Variants in DMXL1 observed in about 807,000 individuals in gnomAD.
The protein encoded by DMXL1 is Dmx like 1.
In DMXL1, 99 loss-of-function variants were observed where a neutral mutation model predicts 319.2. That is an observed-to-expected ratio of 0.31 (90% CI 0.26 to 0.37). The LOEUF is 0.37. Ranked by LOEUF, DMXL1 falls within the 10% of genes least tolerant of loss-of-function variation. The pLI is 1.00. For missense variants in DMXL1, 3,745 were observed against 3,595.6 expected, an observed-to-expected ratio of 1.04 and a Z score of -1.06; for synonymous variants, 1,385 against 1,235.2, an observed-to-expected ratio of 1.12 and a Z score of -2.54.
chr5:119,210,756 C>CTTT (rs1205202596), intron 34 of DMXL1, among the ~76,000 whole-genome samples: 17 of 65,924 alleles, frequency 2.6e-4, no homozygotes, highest in African/African-American at 8.1e-4. Flanking sequence ...TTTTTTCTTT[C>CTTT]GTTTTTTTTT....
At chr5:119,144,670 A>C (rs1281411926) in intron 15 of DMXL1, 32 bp downstream of exon 15, 2 of 1,371,410 alleles carry the variant, frequency 1.5e-6, no homozygotes, top group Non-Finnish European at 2.0e-6. Context: ...AATGAGAAAT[A>C]CTATGTACAG....
rs200292243 is a variant in DMXL1 at position 119,196,423 on chromosome 5, A to G, written c.7510A>G (p.Thr2504Ala). ...MVQLVLNNLK[T>A]FYPFAGHDLA... The stretch of plus-strand genomic sequence containing the variant: ...GCAATTGGTGCTCAACAATTTGAAG[A>G]CTTTTTATCCCTTCGCAGGTCATGA... Residue 2504 changes from threonine to alanine, a missense_variant, in exon 31 of 44, where the codon ACT becomes GCT. Around this residue, in one of 4 missense-constraint regions of DMXL1, gnomAD observed 1,382 missense variants for 1,269.5 expected, o/e 1.09. Transcript: ENST00000539542. 2 of 1,613,178 alleles carry G rather than the reference A, an allele frequency of 1.2e-6. No individual in the cohort carries two copies. Among genetic ancestry groups the G allele is most frequent in the East Asian group, 4.5e-5 (2 of 44,830 alleles).
intron 19 of DMXL1, among the ~76,000 whole-genome samples, chr5:119,159,851 T>C (rs576461156): frequency 5.9e-5 from 9 of 152,324 alleles, no homozygotes; most frequent in African/African-American, 2.2e-4. Context: ...CTCGAACTCC[T>C]GGTCTCAAGT....
chr5:119,133,565 G>C lies in DMXL1; in HGVS notation c.1641G>C (p.Met547Ile). 1 of 1,614,116 alleles carries C rather than the reference G, an allele frequency of 6.2e-7. No homozygotes were observed. Among genetic ancestry groups the C allele is most frequent in the Non-Finnish European group, 8.5e-7 (1 of 1,180,016 alleles). ...GDANSLCKSI[M>I]MYACTKNVDL... The stretch of plus-strand genomic sequence containing the variant: ...CAAACTCTCTCTGTAAAAGCATAAT[G>C]ATGTATGCCTGTACCAAGAATGTTG... Residue 547 changes from methionine (M) to isoleucine (I), a missense_variant, in exon 12 of 44, where the codon ATG becomes ATC. Met to Ile is a conservative substitution (Grantham distance 10). Coordinates refer to ENST00000539542, the MANE Select transcript of DMXL1 (RefSeq NM_001290321.3).
intron 38 of DMXL1, among the ~76,000 whole-genome samples, chr5:119,231,074 C>G (rs892012102): frequency 2.0e-5 from 3 of 152,144 alleles, no homozygotes; most frequent in Non-Finnish European, 4.4e-5. Context: ...CTAGTAGCCT[C>G]TGCATACCAA....
chr5:119,247,132 T>C lies in DMXL1; in HGVS notation c.9060T>C (p.Ala3020=), dbSNP rs757343738. Residue 3020 remains alanine (A), a synonymous_variant, in exon 44 of 44, where the codon GCT becomes GCC. Transcript: ENST00000539542. ...CAAATCACATTTTCTCCTGTGGAGC[T>C]GATGGAACAATGAAAATGAGAATAC... ...GPANHIFSCG[A]DGTMKMRILP... 1.9e-6 allele frequency: 3 copies of C among 1,614,140 alleles called. No homozygotes were observed. In the East Asian group the frequency reaches 6.7e-5, roughly 36 times the overall value.
At chr5:119,204,097 C>T (rs765385463) in intron 33 of DMXL1, among the ~76,000 whole-genome samples, 6 of 152,136 alleles carry the variant, frequency 3.9e-5, no homozygotes, top group Non-Finnish European at 7.4e-5. Context: ...GCTAGGATTA[C>T]AGGTGTGAAC....
At chr5:119,213,125 C>G (rs1381896279) in intron 34 of DMXL1, among the ~76,000 whole-genome samples, 1 of 152,136 alleles carries the variant, frequency 6.6e-6, no homozygotes, top group Non-Finnish European at 1.5e-5. Context: ...TAATAAATTG[C>G]TCTGTAGCAA....
chr5:119,206,251 T>A (rs907903181), intron 33 of DMXL1, among the ~76,000 whole-genome samples: 4 of 152,078 alleles, frequency 2.6e-5, no homozygotes, highest in Non-Finnish European at 5.9e-5. Flanking sequence ...TTGTTTTGTT[T>A]GAGTTTCTGA....
intron 42 of DMXL1, among the ~76,000 whole-genome samples, chr5:119,241,105 T>C (rs1788702458): frequency 6.6e-6 from 1 of 152,168 alleles, no homozygotes; most frequent in African/African-American, 2.4e-5. Flanking sequence ...ATATAGTCAA[T>C]TAACACATAT....
intron 32 of DMXL1, among the ~76,000 whole-genome samples, chr5:119,201,737 G>A (rs888829799): frequency 2.0e-5 from 3 of 152,020 alleles, no homozygotes; most frequent in African/African-American, 7.2e-5. Context: ...ATTACTGATT[G>A]AATTTCAGAG....
chr5:119,111,210 CAAA>C (rs34359243), intron 5 of DMXL1, among the ~76,000 whole-genome samples: 59,110 of 151,716 alleles, frequency 0.39, 14,057 homozygotes, highest in East Asian at 0.95. Flanking sequence ...TAAAATGAAA[CAAA>C]AATATTAGAG....
At chr5:119,091,434 A>T (rs898014526) in intron 1 of DMXL1, among the ~76,000 whole-genome samples, 13 of 151,238 alleles carry the variant, frequency 8.6e-5, no homozygotes, top group African/African-American at 3.2e-4. Context: ...CTGGTTTCAA[A>T]CTCCTAGGCT....
chr5:119,189,876 T>C lies in DMXL1; in HGVS notation c.7304T>C (p.Phe2435Ser), dbSNP rs1338037617. The C allele has an allele frequency of 6.2e-7, 1 of 1,613,402 alleles. No individual in the cohort carries two copies. Among genetic ancestry groups the C allele is most frequent in the African/African-American group, 1.3e-5 (1 of 74,902 alleles). The change falls in exon 29 of 44, where the codon TTC becomes TCC. Residue 2435 changes from phenylalanine to serine, a missense_variant. Around this residue, in one of 4 missense-constraint regions of DMXL1, gnomAD observed 1,382 missense variants for 1,269.5 expected, o/e 1.09. Coordinates refer to ENST00000539542, the MANE Select transcript of DMXL1 (RefSeq NM_001290321.3). ...IPPELSIWDY[F>S]IAKPFLPSSQ... ...CCTGAGCTCAGTATCTGGGACTATT[T>C]CATAGCTAAGGTAATTAAAATGCTA... is the stretch of plus-strand genomic sequence containing the variant.
intron 33 of DMXL1, 44 bp from the exon 34 acceptor site, chr5:119,206,790 C>T: frequency 8.2e-7 from 1 of 1,218,390 alleles, no homozygotes; most frequent in Non-Finnish European, 1.1e-6. Context: ...CATGTTACAT[C>T]TCATCTTTAC....
chr5:119,121,889 G>A (rs1283481479), intron 9 of DMXL1, among the ~76,000 whole-genome samples: 4 of 150,756 alleles, frequency 2.7e-5, no homozygotes, highest in African/African-American at 9.8e-5. Flanking sequence ...CTCCTGGACG[G>A]GGCGGCTGGC....
intron 1 of DMXL1, among the ~76,000 whole-genome samples, chr5:119,076,631 A>G (rs573690227): frequency 2.6e-5 from 4 of 152,340 alleles, no homozygotes; most frequent in Admixed American, 6.5e-5. Context: ...TCAATACTTT[A>G]TTATATTTTA....
At chr5:119,167,210 T>C (rs1345539197) in intron 22 of DMXL1, among the ~76,000 whole-genome samples, 2 of 152,162 alleles carry the variant, frequency 1.3e-5, no homozygotes, top group African/African-American at 4.8e-5. Context: ...GCCCTTTTGC[T>C]CAGAGTTTCA....
intron 35 of DMXL1, 139 bp from the exon 36 acceptor site, chr5:119,220,333 T>G (rs1784441816): frequency 4.3e-6 from 3 of 690,472 alleles, no homozygotes; most frequent in African/African-American, 3.6e-5. Flanking sequence ...ATTATTTCAC[T>G]AAAAGTAAGA....
Sources: gnomAD v4.1 joint callset for allele counts (sites outside exome capture counted in the v4.1 genomes callset) on GRCh38, gnomAD v4.1.1 for gene constraint, gnomAD v4.1.1 regional missense constraint, MANE v1.5 for transcripts, NCBI Gene and HGNC (gene_info 2026-07-23, HGNC 2026-07-21) for gene names.